Variants in CDK14 observed in about 807,000 individuals in gnomAD.
The protein encoded by CDK14 is cyclin dependent kinase 14.
In CDK14, 34 loss-of-function variants were observed where a neutral mutation model predicts 60.7. That is an observed-to-expected ratio of 0.56 (90% CI 0.43 to 0.75). The LOEUF (loss-of-function observed/expected upper bound fraction) is 0.75. Ranked by LOEUF, CDK14 falls within the 30% of genes least tolerant of loss-of-function variation. The probability of loss-of-function intolerance (pLI) is 0.00; values close to 1 mark genes in which losing one functional copy is unlikely to be tolerated. For missense variants in CDK14, 482 were observed against 564.1 expected, an observed-to-expected ratio of 0.85 and a Z score of 1.47; for synonymous variants, 197 against 203.7, an observed-to-expected ratio of 0.97 and a Z score of 0.28.
intron 7 of CDK14, among the ~76,000 whole-genome samples, chr7:90,910,814 G>A (rs992569967): frequency 1.3e-5 from 2 of 152,232 alleles, no homozygotes; most frequent in South Asian, 4.1e-4. Flanking sequence ...TGTGCAGGAT[G>A]TGCAGGTTTG....
In CDK14 at chr7:91,077,306, C is replaced by T. The variant is rs1798350388; in HGVS notation, c.1106-2126C>T. On this transcript the variant is annotated intron_variant, in intron 11 of 14. Coordinates refer to ENST00000380050, the MANE Select transcript of CDK14 (RefSeq NM_001287135.2). ...TGTGGTACATATTAACCATGGAATACTACGTAGCCATAAAAAGGAATGAGA... is the reference window on the plus strand; with the variant it reads ...TGTGGTACATATTAACCATGGAATATTACGTAGCCATAAAAAGGAATGAGA... 2.0e-5 allele frequency among the ~76,000 whole-genome samples: 3 copies of T among 152,244 alleles called. No homozygotes were observed. The South Asian group carries it at 6.2e-4, about 32-fold the overall frequency.
intron 2 of CDK14, among the ~76,000 whole-genome samples, chr7:90,660,221 CT>C (rs1327524273): frequency 6.6e-6 from 1 of 152,220 alleles, no homozygotes; most frequent in East Asian, 1.9e-4. Flanking sequence ...ATCACACCCC[CT>C]GGGGTCAAAT....
At chr7:91,161,619 A>C (rs777817125) in intron 14 of CDK14, among the ~76,000 whole-genome samples, 10 of 152,232 alleles carry the variant, frequency 6.6e-5, no homozygotes, top group Non-Finnish European at 1.5e-4. Context: ...CAATCTCTTC[A>C]TTATTTTAGT....
chr7:91,183,498 C>T (rs1584185212), intron 14 of CDK14, among the ~76,000 whole-genome samples: 2 of 152,300 alleles, frequency 1.3e-5, no homozygotes, highest in South Asian at 4.2e-4. Context: ...CTCTTGATTT[C>T]CCGCCCTTTT....
chr7:90,749,531 C>G (rs1218376135), intron 4 of CDK14, among the ~76,000 whole-genome samples: 1 of 152,010 alleles, frequency 6.6e-6, no homozygotes, highest in Non-Finnish European at 1.5e-5. Flanking sequence ...GGCCTCTGCT[C>G]CACACCCAGG....
Position 90,863,227 on chromosome 7 carries a change from C to T in CDK14, c.597C>T (p.Ile199=), listed in dbSNP as rs755519679. 21 of 1,609,816 alleles carry T rather than the reference C, an allele frequency of 1.3e-5. No individual in the cohort carries two copies. The highest frequency in any genetic ancestry group is 1.6e-5 in the Non-Finnish European group (19 of 1,176,900). The change falls in exon 6 of 15, where the codon ATC becomes ATT. Residue 199 remains isoleucine (I), a synonymous_variant. Transcript: ENST00000380050. ...CTAACATAGTGCTACTTCATGACAT[C>T]ATCCATACCAAGGAGACGCTGACAC... ...KHANIVLLHD[I]IHTKETLTLV...
chr7:90,777,704 G>A (rs13242376), intron 4 of CDK14, among the ~76,000 whole-genome samples: 31,207 of 152,084 alleles, frequency 0.21, 3,345 homozygotes, highest in South Asian at 0.24. Flanking sequence ...CAGCTGTGCC[G>A]AGCAGCAGCC....
chr7:91,067,368 G>T (rs1252174562), intron 11 of CDK14, among the ~76,000 whole-genome samples: 1 of 152,200 alleles, frequency 6.6e-6, no homozygotes, highest in Non-Finnish European at 1.5e-5. Context: ...TGATCTGAAA[G>T]CTGTTGGATA....
intron 12 of CDK14, among the ~76,000 whole-genome samples, chr7:91,110,945 G>A (rs1161290192): frequency 1.3e-5 from 2 of 152,222 alleles, no homozygotes; most frequent in East Asian, 1.9e-4. Flanking sequence ...CTTGGGAAGA[G>A]GAAGGAATAA....
chr7:90,810,380 A>T (rs967359053), intron 5 of CDK14, among the ~76,000 whole-genome samples: 1 of 152,262 alleles, frequency 6.6e-6, no homozygotes, highest in South Asian at 2.1e-4. Flanking sequence ...CCACATGATT[A>T]TCTGAATAGA....
intron 6 of CDK14, among the ~76,000 whole-genome samples, chr7:90,874,221 C>T (rs969707077): frequency 6.6e-6 from 1 of 151,812 alleles, no homozygotes; most frequent in African/African-American, 2.4e-5. Flanking sequence ...AGGGTGTGTG[C>T]GAGATTTTTG....
At chr7:90,965,948 TC>T (rs972262213) in intron 9 of CDK14, among the ~76,000 whole-genome samples, 48 of 152,320 alleles carry the variant, frequency 3.2e-4, no homozygotes, top group African/African-American at 1.0e-3. Flanking sequence ...ATTGGGTTCT[TC>T]CCTCTATCCC....
At chr7:90,889,144 T>TTA (rs1442218774) in intron 6 of CDK14, among the ~76,000 whole-genome samples, 9 of 152,154 alleles carry the variant, frequency 5.9e-5, no homozygotes, top group Admixed American at 3.3e-4. Context: ...TATGTGGTAT[T>TTA]TATATATATA....
chr7:90,949,159 TATATA>T (rs1267078012), intron 8 of CDK14, among the ~76,000 whole-genome samples: 1 of 152,008 alleles, frequency 6.6e-6, no homozygotes, highest in Non-Finnish European at 1.5e-5. Context: ...ATTTAAAAAT[TATATA>T]TATGTGTGTG....
chr7:91,124,195 A>G (rs899305159), intron 14 of CDK14, among the ~76,000 whole-genome samples: 1 of 151,446 alleles, frequency 6.6e-6, no homozygotes, highest in African/African-American at 2.4e-5. Context: ...GCCTTCAAGC[A>G]TTTTTTTTTA....
intron 3 of CDK14, among the ~76,000 whole-genome samples, chr7:90,732,370 G>T (rs1450791488): frequency 6.6e-6 from 1 of 152,150 alleles, no homozygotes; most frequent in African/African-American, 2.4e-5. Flanking sequence ...GAGTTAGGGA[G>T]GATTCCCTCT....
intron 10 of CDK14, among the ~76,000 whole-genome samples, chr7:90,989,735 C>T (rs1215731424): frequency 1.3e-5 from 2 of 152,176 alleles, no homozygotes; most frequent in Admixed American, 6.5e-5. Flanking sequence ...CCCTCACCCA[C>T]TACCCCCAGC....
intron 14 of CDK14, among the ~76,000 whole-genome samples, chr7:91,125,161 TC>T (rs1391058081): frequency 6.6e-6 from 1 of 152,118 alleles, no homozygotes; most frequent in African/African-American, 2.4e-5. Flanking sequence ...ATTCCCGCTG[TC>T]CCATGGATAC....
At chr7:90,613,188 A>G (rs183671728) in intron 2 of CDK14, among the ~76,000 whole-genome samples, 5 of 152,336 alleles carry the variant, frequency 3.3e-5, no homozygotes, top group Admixed American at 2.0e-4. Flanking sequence ...CATGTCACAA[A>G]GTGCAAGATG....
Sources: gnomAD v4.1 joint callset for allele counts (sites outside exome capture counted in the v4.1 genomes callset) on GRCh38, gnomAD v4.1.1 for gene constraint, MANE v1.5 for transcripts, NCBI Gene and HGNC (gene_info 2026-07-23, HGNC 2026-07-21) for gene names.